Variants in ZNF469 observed in about 807,000 individuals in gnomAD.
ZNF469 encodes zinc finger protein 469.
In ZNF469, 1 loss-of-function variant was observed where a neutral mutation model predicts 1.0. The ratio of observed to expected loss-of-function variants is 1.00; its 90% CI spans 0.35 to 4.73. The LOEUF is 4.73. ZNF469 is among the 30% of genes most tolerant of loss of function. ZNF469 has a pLI of 0.16. For missense variants in ZNF469, 6,100 were observed against 5,356.3 expected, an observed-to-expected ratio of 1.14 and a Z score of -4.33; for synonymous variants, 2,703 against 2,363.4, an observed-to-expected ratio of 1.14 and a Z score of -4.17.
chr16:88,134,789 G>C, the ZNF469 span, among the ~76,000 whole-genome samples: 1 of 152,158 alleles, frequency 6.6e-6, no homozygotes, highest in Non-Finnish European at 1.5e-5. Context: ...ATGGACAGCT[G>C]TTTGCATTTT....
chr16:88,419,257 G>A (rs1258295757), intron 1 of ZNF469, among the ~76,000 whole-genome samples: 2 of 152,250 alleles, frequency 1.3e-5, no homozygotes, highest in African/African-American at 4.8e-5. Flanking sequence ...ACGGTGCCCA[G>A]GGTGACACAG....
At chr16:88,425,399 C>T (rs1033130568) in intron 2 of ZNF469, among the ~76,000 whole-genome samples, 17 of 152,192 alleles carry the variant, frequency 1.1e-4, no homozygotes, top group African/African-American at 3.9e-4. Context: ...ACCCTGCAGC[C>T]TGGCCCCAGT....
the ZNF469 span, among the ~76,000 whole-genome samples, chr16:88,152,995 C>G: frequency 6.6e-6 from 1 of 152,188 alleles, no homozygotes; most frequent in East Asian, 1.9e-4. This position sits in a 1 kb window ranked among gnomAD's most constrained non-coding sequence, Gnocchi z 4.2. Flanking sequence ...CACCGTGGCT[C>G]CGGCTGGCGT....
the ZNF469 span, among the ~76,000 whole-genome samples, chr16:88,374,514 C>A: frequency 2.6e-5 from 4 of 152,238 alleles, no homozygotes; most frequent in Non-Finnish European, 5.9e-5. Context: ...GAGTCTAGAA[C>A]TGAGTGAATA....
the ZNF469 span, among the ~76,000 whole-genome samples, chr16:88,125,264 C>T: frequency 1.2e-4 from 19 of 152,304 alleles, no homozygotes; most frequent in Middle Eastern, 6.8e-3. Flanking sequence ...TGGTTTTATA[C>T]TATATCTTAA....
chr16:88,245,141 A>C, the ZNF469 span, among the ~76,000 whole-genome samples: 1 of 152,072 alleles, frequency 6.6e-6, no homozygotes, highest in Non-Finnish European at 1.5e-5. Context: ...GGAGGGGAGG[A>C]AAGAAGGGGT....
the ZNF469 span, among the ~76,000 whole-genome samples, chr16:88,306,492 C>T: frequency 6.6e-6 from 1 of 152,186 alleles, no homozygotes; most frequent in Non-Finnish European, 1.5e-5. Flanking sequence ...CTGCAGAGCA[C>T]CTGTTGAGTG....
At chr16:88,137,010 G>T in the ZNF469 span, among the ~76,000 whole-genome samples, 1 of 152,220 alleles carries the variant, frequency 6.6e-6, no homozygotes, top group Non-Finnish European at 1.5e-5. Context: ...TTGTGTGTGC[G>T]TATAGCCATG....
At chr16:88,174,463 CGTCT>C in the ZNF469 span, among the ~76,000 whole-genome samples, 4 of 126,652 alleles carry the variant, frequency 3.2e-5, no homozygotes, top group East Asian at 2.7e-4. Context: ...ATTTGTCTGT[CGTCT>C]GTCTGTCTGT....
At chr16:88,155,820 G>A in the ZNF469 span, among the ~76,000 whole-genome samples, 8 of 152,178 alleles carry the variant, frequency 5.3e-5, no homozygotes, top group Admixed American at 1.3e-4. Context: ...ACGGAGGAGT[G>A]GAATTGCTGT....
At chr16:88,112,780 T>C in the ZNF469 span, among the ~76,000 whole-genome samples, 1 of 135,752 alleles carries the variant, frequency 7.4e-6, no homozygotes, top group Non-Finnish European at 1.6e-5. Flanking sequence ...AGCTTTTTTT[T>C]TTTTTTTTTT....
At chr16:88,316,502 G>A in the ZNF469 span, among the ~76,000 whole-genome samples, 5 of 150,032 alleles carry the variant, frequency 3.3e-5, no homozygotes, top group African/African-American at 1.2e-4. Flanking sequence ...TGCTCAGCCA[G>A]TGTGCGTCAG....
chr16:88,202,575 C>G, the ZNF469 span, among the ~76,000 whole-genome samples: 1 of 152,172 alleles, frequency 6.6e-6, no homozygotes, highest in African/African-American at 2.4e-5. Context: ...GCTCTGGCAC[C>G]GCAGGAAGCA....
At chr16:88,247,200 G>A in the ZNF469 span, among the ~76,000 whole-genome samples, 1 of 151,856 alleles carries the variant, frequency 6.6e-6, no homozygotes. Flanking sequence ...ATCAGCGAGT[G>A]AATGAGTGAG....
intron 1 of ZNF469, among the ~76,000 whole-genome samples, chr16:88,422,729 AAT>A: frequency 7.9e-6 from 1 of 126,220 alleles, no homozygotes; most frequent in Admixed American, 8.0e-5. Flanking sequence ...ATGGATGGAT[AAT>A]GATGATGGAT....
At chr16:88,374,394 G>T in the ZNF469 span, among the ~76,000 whole-genome samples, 1 of 152,222 alleles carries the variant, frequency 6.6e-6, no homozygotes, top group Admixed American at 6.5e-5. Flanking sequence ...TGAGGTGCGG[G>T]AGACTAGGGA....
chr16:88,296,543 CACAT>C, the ZNF469 span, among the ~76,000 whole-genome samples: 165 of 151,644 alleles, frequency 1.1e-3, no homozygotes, highest in African/African-American at 3.8e-3. Flanking sequence ...TGCACATACA[CACAT>C]ATATGCACAC....
the ZNF469 span, among the ~76,000 whole-genome samples, chr16:88,213,389 G>T: frequency 6.6e-6 from 1 of 152,132 alleles, no homozygotes. Context: ...ATGAGCCACC[G>T]CGCCCGGCCT....
At chr16:88,341,405 G>A in the ZNF469 span, among the ~76,000 whole-genome samples, 2 of 152,160 alleles carry the variant, frequency 1.3e-5, no homozygotes, top group Admixed American at 6.5e-5. Context: ...GACGTGCTGG[G>A]CAGCGTGAGG....
Sources: gnomAD v4.1 joint callset for allele counts (sites outside exome capture counted in the v4.1 genomes callset) on GRCh38, gnomAD v4.1.1 for gene constraint, Gnocchi (gnomAD v3.1) non-coding constraint, MANE v1.5 for transcripts, NCBI Gene and HGNC (gene_info 2026-07-23, HGNC 2026-07-21) for gene names.